Variants in ATP9B observed in about 807,000 individuals in gnomAD.
The protein encoded by ATP9B is probable phospholipid-transporting ATPase IIB.
ATP9B carries 110 observed loss-of-function variants against 146.1 expected under a neutral mutation model. That is an observed-to-expected ratio of 0.75 (90% CI 0.65 to 0.88). The LOEUF is 0.88. Among genes scored for constraint, ATP9B ranks in the 40% least tolerant of loss-of-function variants. The probability of loss-of-function intolerance (pLI) is 0.00; values close to 1 mark genes in which losing one functional copy is unlikely to be tolerated. For synonymous variants in ATP9B, 604 were observed against 569.7 expected (o/e 1.06, Z -0.86); for missense variants, 1,499 against 1,496.4 (o/e 1.00, Z -0.03).
Position 79,069,450 on chromosome 18 carries a change from G to T in ATP9B, c.40G>T (p.Ala14Ser), listed in dbSNP as rs765747731. 6.6e-7 allele frequency: 1 copy of T among 1,514,312 alleles called. No homozygotes were observed. Among genetic ancestry groups the T allele is most frequent in the Non-Finnish European group, 8.8e-7 (1 of 1,134,820 alleles). 93.8% of individuals were successfully genotyped at this position (1,514,312 alleles called of 1,614,324 possible). A position where few individuals can be genotyped will look rare whatever the true frequency, so the allele number is the denominator to read the frequency against. The change falls in exon 1 of 30, where the codon GCG becomes TCG. Residue 14 changes from alanine (A) to serine (S), a missense_variant. Physicochemically the swap from Ala to Ser is moderately conservative, Grantham distance 99. Coordinates refer to ENST00000426216, the MANE Select transcript of ATP9B (RefSeq NM_198531.5). ...QIPLYPVRSA[A>S]AAAANRKRAA... The stretch of plus-strand genomic sequence containing the variant: ...CCCGCTTTACCCGGTGCGTAGCGCA[G>T]CGGCGGCCGCAGCCAACCGCAAACG...
chr18:79,098,166 T>G (rs916234565), intron 2 of ATP9B, among the ~76,000 whole-genome samples: 1 of 152,006 alleles, frequency 6.6e-6, no homozygotes. Flanking sequence ...TAAATGGTGC[T>G]GGGAAAACTG....
At chr18:79,185,891 G>A (rs1208813748) in intron 8 of ATP9B, among the ~76,000 whole-genome samples, 2 of 152,146 alleles carry the variant, frequency 1.3e-5, no homozygotes, top group East Asian at 3.9e-4. Flanking sequence ...AACTCATCTG[G>A]AAGAGCTGAG....
At chr18:79,217,866 T>G (rs1380241494) in intron 11 of ATP9B, among the ~76,000 whole-genome samples, 1 of 152,230 alleles carries the variant, frequency 6.6e-6, no homozygotes, top group African/African-American at 2.4e-5. Flanking sequence ...AAATCTCATC[T>G]CATCCTTTAC....
intron 12 of ATP9B, among the ~76,000 whole-genome samples, chr18:79,268,063 C>T (rs958351675): frequency 2.6e-5 from 4 of 151,994 alleles, no homozygotes; most frequent in African/African-American, 9.7e-5. Flanking sequence ...GTCTATATTC[C>T]TACTGGATTA....
chr18:79,089,004 A>G (rs994842278), intron 1 of ATP9B, among the ~76,000 whole-genome samples: 3 of 152,168 alleles, frequency 2.0e-5, no homozygotes, highest in African/African-American at 7.2e-5. Flanking sequence ...ATTCTTTTTT[A>G]CATTTGATAA....
intron 5 of ATP9B, among the ~76,000 whole-genome samples, chr18:79,134,375 C>G (rs1033773653): frequency 3.9e-5 from 6 of 152,228 alleles, no homozygotes; most frequent in Middle Eastern, 3.2e-3. Flanking sequence ...ACCTGTACCT[C>G]CCTGTGGGGA....
At position 79,292,661 on chromosome 18, in the gene ATP9B, T is replaced by A. The variant is rs1202958011; in HGVS notation, c.1412-10943T>A. 7.4e-5 allele frequency among the ~76,000 whole-genome samples: 7 copies of A among 94,292 alleles called. 1 individual carries two copies. Among genetic ancestry groups the A allele is most frequent in the African/African-American group, 3.8e-4 (7 of 18,350 alleles). The allele number at this position is 94,292 out of a possible 152,430, so 61.9% of individuals were successfully genotyped here. ...AGTTAGAGGACTTGCAACTCGTGAT[T>A]TCTTCTTTAAAAAAAAAAAAAAGAC... On this transcript the variant is annotated intron_variant, in intron 13 of 29. Transcript: ENST00000426216.
intron 2 of ATP9B, among the ~76,000 whole-genome samples, chr18:79,109,316 CT>C (rs1241224132): frequency 1.3e-5 from 2 of 151,974 alleles, no homozygotes; most frequent in Non-Finnish European, 2.9e-5. Flanking sequence ...AATTTGATAC[CT>C]TTTCATCATT....
chr18:79,243,644 G>A (rs140177974), intron 11 of ATP9B, among the ~76,000 whole-genome samples: 1 of 152,300 alleles, frequency 6.6e-6, no homozygotes, highest in East Asian at 1.9e-4. Context: ...TTATCAAGGT[G>A]GTGGAAACAT....
intron 4 of ATP9B, among the ~76,000 whole-genome samples, chr18:79,114,008 AC>A (rs1355566173): frequency 1.3e-5 from 2 of 152,086 alleles, no homozygotes; most frequent in African/African-American, 4.8e-5. Flanking sequence ...ATAGAGTCTC[AC>A]CCTGTCACTG....
In ATP9B at chr18:79,220,533, T is replaced by G. The variant is rs544511241; in HGVS notation, c.1107+6495T>G. Among the ~76,000 whole-genome samples the G allele has an allele frequency of 3.9e-5, 6 of 152,110 alleles. No homozygotes were observed. The East Asian group carries it at 7.8e-4, about 20-fold the overall frequency. On this transcript the variant is annotated intron_variant, in intron 11 of 29. Coordinates refer to ENST00000426216, the MANE Select transcript of ATP9B (RefSeq NM_198531.5). Reference sequence around the variant, plus strand: ...GGTGGATCGCCTGAGCCTAGGAGTTTGAGGCTACACTGAGCCATGATTGCA... The same window carrying G: ...GGTGGATCGCCTGAGCCTAGGAGTTGGAGGCTACACTGAGCCATGATTGCA...
At chr18:79,154,660 C>T (rs1416766620) in intron 7 of ATP9B, 105 bp downstream of exon 7, 2 of 674,638 alleles carry the variant, frequency 3.0e-6, no homozygotes, top group Admixed American at 3.0e-5. Context: ...TTTTAGTATG[C>T]TGCAGCAATG....
chr18:79,194,340 T>A (rs2095397940), intron 9 of ATP9B: 1 of 152,262 alleles, frequency 6.6e-6, no homozygotes, highest in African/African-American at 2.4e-5. Flanking sequence ...TTCCTTTCCT[T>A]TTCTTGCTGT....
chr18:79,114,180 G>A (rs1347656289), intron 4 of ATP9B, among the ~76,000 whole-genome samples: 1 of 152,058 alleles, frequency 6.6e-6, no homozygotes, highest in Non-Finnish European at 1.5e-5. Flanking sequence ...GGCTGGTCTC[G>A]AACTCCTCAC....
At chr18:79,282,085 G>T (rs2096383015) in intron 13 of ATP9B, among the ~76,000 whole-genome samples, 1 of 152,192 alleles carries the variant, frequency 6.6e-6, no homozygotes, top group Admixed American at 6.5e-5. Context: ...AGGGAATTAG[G>T]AGTGGAGCCT....
intron 25 of ATP9B, among the ~76,000 whole-genome samples, chr18:79,352,151 C>G (rs988546126): frequency 6.6e-6 from 1 of 152,200 alleles, no homozygotes; most frequent in Admixed American, 6.5e-5. Flanking sequence ...CAGCTGCCGG[C>G]GAGGACCTCA....
chr18:79,307,225 C>T lies in ATP9B; in HGVS notation c.1764C>T (p.Ser588=), dbSNP rs569870838. 6.2e-7 allele frequency: 1 copy of T among 1,614,176 alleles called. No individual in the cohort carries two copies. The highest frequency in any genetic ancestry group is 1.3e-5 in the African/African-American group (1 of 75,066). Residue 588 remains serine (S), a synonymous_variant, in exon 15 of 30, where the codon AGC becomes AGT. Coordinates refer to ENST00000426216, the MANE Select transcript of ATP9B (RefSeq NM_198531.5). ...AGAATCGCACCTACCAGGCTTCCAG[C>T]CCGGATGAGGTCAGTCAAAGCACAA... The part of the protein sequence containing the change: ...SDENRTYQAS[S]PDEVALVQWT...
intron 12 of ATP9B, chr18:79,254,240 C>T (rs1293169649): frequency 6.6e-6 from 1 of 152,200 alleles, no homozygotes; most frequent in African/African-American, 2.4e-5. Context: ...TGGACTAAAA[C>T]GGTATAGAAT....
At chr18:79,080,209 T>G (rs7240912) in intron 1 of ATP9B, among the ~76,000 whole-genome samples, 1 of 151,974 alleles carries the variant, frequency 6.6e-6, no homozygotes, top group Non-Finnish European at 1.5e-5. Context: ...GGGCATAGCA[T>G]TGAATCTGTA....
Sources: gnomAD v4.1 joint callset for allele counts (sites outside exome capture counted in the v4.1 genomes callset) on GRCh38, gnomAD v4.1.1 for gene constraint, MANE v1.5 for transcripts, NCBI Gene and HGNC (gene_info 2026-07-23, HGNC 2026-07-21) for gene names.